CACNA2D2: variants seen among roughly 807,000 people sequenced by gnomAD.
CACNA2D2 encodes the protein calcium voltage-gated channel auxiliary subunit alpha2delta 2.
CACNA2D2 carries 48 observed loss-of-function variants against 166.4 expected under a neutral mutation model. That is an observed-to-expected ratio of 0.29 (90% CI 0.23 to 0.37). The LOEUF is 0.37. Ranked by LOEUF, CACNA2D2 falls within the 10% of genes least tolerant of loss-of-function variation. The probability of loss-of-function intolerance (pLI) is 1.00; values close to 1 mark genes in which losing one functional copy is unlikely to be tolerated. For synonymous variants in CACNA2D2, 561 were observed against 573.7 expected (o/e 0.98, Z 0.32); for missense variants, 1,122 against 1,433.0 (o/e 0.78, Z 3.50).
At chr3:50,456,640 C>T (rs1709371115) in intron 2 of CACNA2D2, among the ~76,000 whole-genome samples, 1 of 152,184 alleles carries the variant, frequency 6.6e-6, no homozygotes, top group Non-Finnish European at 1.5e-5. Flanking sequence ...CAGGCCTGCC[C>T]CTCACACACT....
chr3:50,393,043 G>A (rs1394697530), intron 4 of CACNA2D2, among the ~76,000 whole-genome samples: 1 of 152,186 alleles, frequency 6.6e-6, no homozygotes, highest in African/African-American at 2.4e-5. Flanking sequence ...ATGGGGACTG[G>A]GGAGGAGGAA....
In CACNA2D2 at chr3:50,379,789, A is replaced by T; in HGVS notation, c.929T>A (p.Met310Lys). ...GSVSGLTLKLMKTSVCEMLDT... is the reference protein window; with the variant it reads ...GSVSGLTLKLKKTSVCEMLDT... ...CAGCATCTCGCAGACAGATGTCTTC[A>T]TCAGCTTCAGGGTCAGGCCGCTCAC... Residue 310 changes from methionine (M) to lysine (K), a missense_variant, in exon 10 of 38, where the codon ATG becomes AAG. This residue lies in a region of CACNA2D2 where 840 missense variants were observed against 1,166.8 expected (regional missense o/e 0.72). Coordinates refer to ENST00000424201, the MANE Select transcript of CACNA2D2 (RefSeq NM_006030.4). The surrounding 1 kb of genome is among the most constrained non-coding windows in gnomAD (Gnocchi z 6.5). 1 of 1,613,930 alleles carries T rather than the reference A, an allele frequency of 6.2e-7. No individual in the cohort carries two copies. Among genetic ancestry groups the T allele is most frequent in the East Asian group, 2.2e-5 (1 of 44,880 alleles).
intron 3 of CACNA2D2, among the ~76,000 whole-genome samples, chr3:50,406,458 C>T (rs1402340114): frequency 6.8e-6 from 1 of 147,228 alleles, no homozygotes; most frequent in Non-Finnish European, 1.5e-5. Flanking sequence ...GCCCTATCAC[C>T]CCCATCACCC....
chr3:50,370,027 G>T (rs1393525641), intron 23 of CACNA2D2, among the ~76,000 whole-genome samples: 1 of 152,244 alleles, frequency 6.6e-6, no homozygotes, highest in Non-Finnish European at 1.5e-5. Flanking sequence ...CCCCAGGGCG[G>T]AAAGGGCTCC....
rs1228686759 is a variant in CACNA2D2, at chr3:50,367,080, C to G, written c.2431G>C (p.Asp811His). 6.2e-7 allele frequency: 1 copy of G among 1,613,584 alleles called. No individual in the cohort carries two copies. The highest frequency in any genetic ancestry group is 1.7e-5 in the Admixed American group (1 of 60,030). ...ALLRPLELEN[D>H]TVGILVSTAV... ...GTGCTGACGAGGATGCCCACAGTGT[C>G]ATTCTCCAGCTCCAGCGGCCTTAAC... The change falls in exon 28 of 38, where the codon GAC (aspartate) becomes CAC (histidine). Residue 811 changes from aspartate (D) to histidine (H), a missense_variant. Around this residue, in one of 2 missense-constraint regions of CACNA2D2, gnomAD observed 840 missense variants for 1,166.8 expected, o/e 0.72. Coordinates refer to ENST00000424201, the MANE Select transcript of CACNA2D2 (RefSeq NM_006030.4). This position sits in a 1 kb window ranked among gnomAD's most constrained non-coding sequence, Gnocchi z 6.5.
intron 2 of CACNA2D2, among the ~76,000 whole-genome samples, chr3:50,437,582 G>A (rs982564970): frequency 1.3e-5 from 2 of 152,158 alleles, no homozygotes; most frequent in Non-Finnish European, 2.9e-5. Context: ...CTGTCTTCTA[G>A]GGTGGGCCCT....
chr3:50,496,838 G>C (rs1427692223), intron 1 of CACNA2D2, among the ~76,000 whole-genome samples: 3 of 152,222 alleles, frequency 2.0e-5, no homozygotes, highest in African/African-American at 7.2e-5. Context: ...TGTTCAGAAA[G>C]AACTAGCCAT....
At chr3:50,424,417 C>A (rs948520130) in intron 3 of CACNA2D2, among the ~76,000 whole-genome samples, 3 of 152,152 alleles carry the variant, frequency 2.0e-5, no homozygotes, top group African/African-American at 7.2e-5. Context: ...TGGGCAAGAC[C>A]CTCTGCCACT....
Position 50,377,781 on chromosome 3 carries a change from C to G in CACNA2D2, c.1502G>C (p.Gly501Ala). The change falls in exon 16 of 38, where the codon GGG becomes GCG. Residue 501 changes from glycine to alanine, a missense_variant. Coordinates refer to ENST00000424201, the MANE Select transcript of CACNA2D2 (RefSeq NM_006030.4). ...TGTCAGGTTGAAAACAGGGAGGGTC[C>G]CTGTTACCACCAACCCCAGTCCCTG... Reference protein sequence around the residue: ...DALGLGLVVTGTLPVFNLTQD... With the variant: ...DALGLGLVVTATLPVFNLTQD... 1 of 1,613,380 alleles carries G rather than the reference C, an allele frequency of 6.2e-7. No homozygotes were observed. The highest frequency in any genetic ancestry group is 8.5e-7 in the Non-Finnish European group (1 of 1,179,844).
rs151031703 is a variant in CACNA2D2 at position 50,405,266 on chromosome 3, G to A, written c.406-11098C>T. On this transcript the variant is annotated intron_variant, in intron 3 of 37. Coordinates refer to ENST00000424201, the MANE Select transcript of CACNA2D2 (RefSeq NM_006030.4). ...GGAGGGTAGTGGAGAAGAACCTCTA[G>A]CCCCATTGTTGCCTGTTTTGGGGAA... Among the ~76,000 whole-genome samples, 566 of 151,950 alleles carry A rather than the reference G, an allele frequency of 3.7e-3. 2 individuals carry two copies. The highest frequency in any genetic ancestry group is 0.013 in the African/African-American group (537 of 41,404).
chr3:50,477,094 T>A (rs1287149149), intron 1 of CACNA2D2, among the ~76,000 whole-genome samples: 1 of 152,020 alleles, frequency 6.6e-6, no homozygotes, highest in Admixed American at 6.6e-5. Flanking sequence ...CACGCCTGGC[T>A]ATTTTTTTCT....
At position 50,434,372 on chromosome 3, in the gene CACNA2D2, CCAA is replaced by C; in HGVS notation, c.343_345del (p.Leu115del). On this transcript the variant is annotated inframe_deletion, in exon 3 of 38. Coordinates refer to ENST00000424201, the MANE Select transcript of CACNA2D2 (RefSeq NM_006030.4). ...TCAATGTCCCCTGCCACCTTCTCCA[CCAA>C]CTTCTGAGGCTCATTCTCCTGTACC... is the stretch of plus-strand genomic sequence containing the variant. 1 of 1,614,182 alleles carries C rather than the reference CCAA, an allele frequency of 6.2e-7. No individual in the cohort carries two copies. The highest frequency in any genetic ancestry group is 8.5e-7 in the Non-Finnish European group (1 of 1,180,024).
At chr3:50,464,507 T>C (rs1343935736) in intron 2 of CACNA2D2, among the ~76,000 whole-genome samples, 2 of 152,152 alleles carry the variant, frequency 1.3e-5, no homozygotes, top group South Asian at 2.1e-4. Flanking sequence ...TGAGGGAACC[T>C]ATCCAGCCTC....
intron 4 of CACNA2D2, among the ~76,000 whole-genome samples, chr3:50,393,643 CCT>C (rs1241870123): frequency 9.9e-5 from 15 of 152,226 alleles, no homozygotes; most frequent in African/African-American, 3.6e-4. Flanking sequence ...AGCCCAGTCC[CCT>C]GAGCCCAGCC....
intron 22 of CACNA2D2, among the ~76,000 whole-genome samples, chr3:50,370,701 CGG>C (rs1704611280): frequency 6.6e-6 from 1 of 151,890 alleles, no homozygotes; most frequent in South Asian, 2.1e-4. Context: ...CACATATACA[CGG>C]ACACACACAC....
At chr3:50,422,581 C>A (rs915622334) in intron 3 of CACNA2D2, among the ~76,000 whole-genome samples, 2 of 152,224 alleles carry the variant, frequency 1.3e-5, no homozygotes, top group Non-Finnish European at 2.9e-5. Context: ...CCCCTTCTTT[C>A]AATAGCGATA....
intron 1 of CACNA2D2, among the ~76,000 whole-genome samples, chr3:50,477,597 G>A (rs1454869667): frequency 6.6e-6 from 1 of 152,152 alleles, no homozygotes; most frequent in Non-Finnish European, 1.5e-5. Flanking sequence ...CATTTGAAAA[G>A]GTATCTCAAC....
intron 24 of CACNA2D2, 114 bp downstream of exon 24, chr3:50,368,024 A>C (rs1208161588): frequency 8.7e-7 from 1 of 1,148,880 alleles, no homozygotes; most frequent in East Asian, 2.4e-5. Flanking sequence ...GCCCAGGCCC[A>C]GCCCTTAGCT....
At chr3:50,469,307 C>T (rs760288805) in intron 2 of CACNA2D2, among the ~76,000 whole-genome samples, 6 of 152,154 alleles carry the variant, frequency 3.9e-5, no homozygotes, top group East Asian at 1.9e-4. Flanking sequence ...AAAGAAATCA[C>T]GTACCCTTCG....
Sources: allele counts gnomAD v4.1 joint callset (sites outside exome capture counted in the v4.1 genomes callset), GRCh38; gene constraint gnomAD v4.1.1; regional missense constraint gnomAD v4.1.1; non-coding constraint Gnocchi (gnomAD v3.1); transcripts MANE v1.5; gene names NCBI Gene and HGNC (gene_info 2026-07-23, HGNC 2026-07-21).